Variants in ARAP1 observed in about 807,000 individuals in gnomAD.
ARAP1 encodes the protein ArfGAP with RhoGAP domain, ankyrin repeat and PH domain 1, also known as arf-GAP with Rho-GAP domain, ANK repeat and PH domain-containing protein 1.
A neutral mutation model predicts 172.2 loss-of-function variants in ARAP1; 76 were observed. The ratio of observed to expected loss-of-function variants is 0.44; its 90% confidence interval spans 0.37 to 0.53. The LOEUF is 0.53. Among genes scored for constraint, ARAP1 ranks in the 20% least tolerant of loss-of-function variants. ARAP1 has a pLI of 0.00. For synonymous variants in ARAP1, 804 were observed against 803.3 expected (o/e 1.00, Z -0.01); for missense variants, 1,686 against 1,977.5 (o/e 0.85, Z 2.80).
intron 1 of ARAP1, among the ~76,000 whole-genome samples, chr11:72,735,407 T>C (rs911054578): frequency 3.3e-5 from 5 of 151,786 alleles, no homozygotes; most frequent in Non-Finnish European, 5.9e-5. Flanking sequence ...GGTCAGGAGT[T>C]CGAGACCAGC....
In ARAP1 at chr11:72,695,449, C is replaced by T. The variant is rs375239868; in HGVS notation, c.3514G>A (p.Gly1172Ser). Residue 1172 changes from glycine to serine, a missense_variant, in exon 26 of 35, where the codon GGT becomes AGT. By Grantham distance (56) the Gly-to-Ser change is moderately conservative (BLOSUM62 0). Transcript: ENST00000393609. The surrounding 1 kb of genome is among the most constrained non-coding windows in gnomAD (Gnocchi z 4.4). ...AGTASGTQHA[G>S]DFICTVYLEE... ...AGATACACTGTGCAGATGAAGTCAC[C>T]GGCATGCTGCAGGGAGACAGGGCTC... is the stretch of plus-strand genomic sequence containing the variant. 2.5e-6 allele frequency: 4 copies of T among 1,614,260 alleles called. No homozygotes were observed. The highest frequency in any genetic ancestry group is 2.5e-6 in the Non-Finnish European group (3 of 1,180,044).
intron 1 of ARAP1, among the ~76,000 whole-genome samples, chr11:72,744,902 T>C (rs2072269820): frequency 6.6e-6 from 1 of 152,138 alleles, no homozygotes; most frequent in Admixed American, 6.5e-5. Context: ...TCCCTAGGCT[T>C]AGCATGTCCA....
chr11:72,731,314 G>A (rs570189876), intron 2 of ARAP1, among the ~76,000 whole-genome samples: 2 of 152,278 alleles, frequency 1.3e-5, no homozygotes, highest in Admixed American at 6.5e-5. Flanking sequence ...GGACCTAGTG[G>A]GAGGTGTCTG....
At position 72,688,510 on chromosome 11, in the gene ARAP1, T is replaced by C. The variant is rs1188094803; in HGVS notation, c.4015A>G (p.Ile1339Val). The C allele has an allele frequency of 1.2e-6, 2 of 1,612,498 alleles. No individual in the cohort carries two copies. The highest frequency in any genetic ancestry group is 1.7e-6 in the Non-Finnish European group (2 of 1,179,442). Reference protein sequence around the residue: ...TSHRPEKEWPIKSLKVYLGVK... With the variant: ...TSHRPEKEWPVKSLKVYLGVK... ...CCCAGGTAGACTTTGAGACTCTTAA[T>C]AGGCCACTCCTTCTCAGGCCGGTGA... Residue 1339 changes from isoleucine (I) to valine (V), a missense_variant, in exon 31 of 35, where the codon ATT becomes GTT. Ile to Val is a conservative substitution (Grantham distance 29, BLOSUM62 3). Transcript: ENST00000393609.
In ARAP1 at chr11:72,695,328, G is replaced by A; in HGVS notation, c.3576+59C>T. 6.2e-7 allele frequency: 1 copy of A among 1,607,342 alleles called. No homozygotes were observed. The highest frequency in any genetic ancestry group is 8.5e-7 in the Non-Finnish European group (1 of 1,174,476). On this transcript the variant is annotated intron_variant, in intron 26 of 34. Transcript: ENST00000393609. The surrounding 1 kb of genome is among the most constrained non-coding windows in gnomAD (Gnocchi z 4.4). ...AAGCACTGCTCCCCTGGCCATCTGA[G>A]CCTGTACCTGGCCCAGCCTGATTCT...
chr11:72,707,815 G>A (rs1192591075), intron 11 of ARAP1, among the ~76,000 whole-genome samples: 2 of 152,096 alleles, frequency 1.3e-5, no homozygotes, highest in Admixed American at 6.5e-5. Flanking sequence ...GCATCAGGAA[G>A]AGGAAGTCAA....
Position 72,685,385 on chromosome 11 carries a change from A to G in ARAP1, c.*279T>C. On this transcript the variant is annotated 3_prime_UTR_variant, in exon 35 of 35. Transcript: ENST00000393609. The stretch of plus-strand genomic sequence containing the variant: ...GTTCCTGACTTATGCCCATCTCTCC[A>G]GCCCCACAAGGACAGTGAACCCGGT... The G allele has an allele frequency of 1.9e-6, 1 of 534,720 alleles. No individual in the cohort carries two copies. The highest frequency in any genetic ancestry group is 2.2e-5 in the South Asian group (1 of 46,436). 33.1% of individuals were successfully genotyped at this position (534,720 alleles called of 1,614,324 possible). A position where few individuals can be genotyped will look rare whatever the true frequency, so the allele number is the denominator to read the frequency against.
Position 72,697,033 on chromosome 11 carries a change from G to A in ARAP1, c.3116C>T (p.Pro1039Leu). 1.2e-6 allele frequency: 2 copies of A among 1,609,822 alleles called. No homozygotes were observed. Among genetic ancestry groups the A allele is most frequent in the Non-Finnish European group, 1.7e-6 (2 of 1,179,938 alleles). The stretch of plus-strand genomic sequence containing the variant: ...CTGGGCGCGAGTGAAGAGCCCATCA[G>A]GCAGGTCGCGCAGGAAGCGCTTGAG... Reference protein sequence around the residue: ...SALKRFLRDLPDGLFTRAQRL... With the variant: ...SALKRFLRDLLDGLFTRAQRL... Residue 1039 changes from proline to leucine, a missense_variant, in exon 22 of 35, where the codon CCT becomes CTT. Around this residue, in one of 5 missense-constraint regions of ARAP1, gnomAD observed 274 missense variants for 262.7 expected, o/e 1.04. Coordinates refer to ENST00000393609, the MANE Select transcript of ARAP1 (RefSeq NM_001040118.3).
Position 72,723,324 on chromosome 11 carries a change from GATA to G in ARAP1, c.509+3293_509+3295del, listed in dbSNP as rs766684591. On this transcript the variant is annotated intron_variant, in intron 3 of 34. Coordinates refer to ENST00000393609, the MANE Select transcript of ARAP1 (RefSeq NM_001040118.3). Reference sequence around the variant, plus strand: ...CTTAGTCTCTATTAATAATAATGATGATAATAATAATAATAATAGCAGGGGGTG... The same window carrying G: ...CTTAGTCTCTATTAATAATAATGATGATAATAATAATAATAGCAGGGGGTG... 9.2e-5 allele frequency among the ~76,000 whole-genome samples: 14 copies of G among 151,836 alleles called. No homozygotes were observed. The South Asian group carries it at 2.3e-3, about 25-fold the overall frequency.
intron 4 of ARAP1, among the ~76,000 whole-genome samples, chr11:72,713,691 C>A (rs35640486): frequency 6.6e-6 from 1 of 151,688 alleles, no homozygotes; most frequent in Admixed American, 6.6e-5. Context: ...ACTAAAAATA[C>A]AAAAAATTAG....
rs1441966212 is a variant in ARAP1 at position 72,725,610 on chromosome 11, C to T, written c.509+1010G>A. Among the ~76,000 whole-genome samples the T allele has an allele frequency of 2.0e-5, 3 of 151,972 alleles. No homozygotes were observed. Among genetic ancestry groups the T allele is most frequent in the Non-Finnish European group, 4.4e-5 (3 of 67,986 alleles). ...CCTGGGTGGAAAGAATCTCCCAGAC[C>T]CTCCCCACAAGGCCCCCTGAGTATG... On this transcript the variant is annotated intron_variant, in intron 3 of 34. Coordinates refer to ENST00000393609, the MANE Select transcript of ARAP1 (RefSeq NM_001040118.3). The surrounding 1 kb of genome is among the most constrained non-coding windows in gnomAD (Gnocchi z 4.3).
Position 72,695,318 on chromosome 11 carries a change from G to T in ARAP1, c.3576+69C>A. Reference sequence around the variant, plus strand: ...CTCGGGGTAGAAGCACTGCTCCCCTGGCCATCTGAGCCTGTACCTGGCCCA... The same window carrying T: ...CTCGGGGTAGAAGCACTGCTCCCCTTGCCATCTGAGCCTGTACCTGGCCCA... On this transcript the variant is annotated intron_variant, in intron 26 of 34. Transcript: ENST00000393609. This position sits in a 1 kb window ranked among gnomAD's most constrained non-coding sequence, Gnocchi z 4.4. 1 of 1,595,326 alleles carries T rather than the reference G, an allele frequency of 6.3e-7. No individual in the cohort carries two copies. The highest frequency in any genetic ancestry group is 8.6e-7 in the Non-Finnish European group (1 of 1,164,382).
intron 3 of ARAP1, among the ~76,000 whole-genome samples, chr11:72,718,927 T>C (rs1026536958): frequency 3.3e-5 from 5 of 152,210 alleles, no homozygotes; most frequent in African/African-American, 1.2e-4. Context: ...TCATTAACTC[T>C]GTGTGTGCGT....
intron 33 of ARAP1, among the ~76,000 whole-genome samples, chr11:72,687,109 A>T (rs896953473): frequency 6.6e-6 from 1 of 151,896 alleles, no homozygotes; most frequent in Non-Finnish European, 1.5e-5. Context: ...ATTTCCTAAG[A>T]CTCAGATCCC....
At chr11:72,700,311 G>A (rs1856422046) in intron 16 of ARAP1, 1 of 152,534 alleles carries the variant, frequency 6.6e-6, no homozygotes, top group African/African-American at 2.4e-5. Context: ...TGAACAGCAT[G>A]GAGTTCCAAA....
chr11:72,728,608 G>T (rs938225564), intron 2 of ARAP1, among the ~76,000 whole-genome samples: 2 of 151,990 alleles, frequency 1.3e-5, no homozygotes, highest in Non-Finnish European at 2.9e-5. Flanking sequence ...AAAAACAAAA[G>T]AAACAAACGA....
At position 72,711,478 on chromosome 11, in the gene ARAP1, T is replaced by C; in HGVS notation, c.1044A>G (p.Arg348=). The part of the protein sequence containing the change: ...PPQGSYIYQK[R]WVRLDTDHLR... ...GGTGATCAGTATCCAGTCTCACCCA[T>C]CGTTTCTGATAGATGTAAGATCTGG... Residue 348 remains arginine, a synonymous_variant, in exon 8 of 35, where the codon CGA becomes CGG. Transcript: ENST00000393609. The C allele has an allele frequency of 6.2e-7, 1 of 1,612,666 alleles. No individual in the cohort carries two copies.
rs1591181352 is a variant in ARAP1, at chr11:72,697,363, C to T, written c.2913G>A (p.Pro971=). The T allele has an allele frequency of 1.2e-6, 2 of 1,604,246 alleles. No individual in the cohort carries two copies. The highest frequency in any genetic ancestry group is 1.7e-6 in the Non-Finnish European group (2 of 1,175,694). ...AGTCCACACAGCGGTACACGATCAC[C>T]GGGATATCCGAGTCCCCAAGCTGCT... ...SEQQLGDSDI[P]VIVYRCVDYI... The change falls in exon 21 of 35, where the codon CCG becomes CCA. Residue 971 remains proline, a synonymous_variant. Transcript: ENST00000393609.
At position 72,695,991 on chromosome 11, in the gene ARAP1, A is replaced by T; in HGVS notation, c.3273-126T>A. ...GGGACCACTGTTTAACAGGGTAGGA[A>T]CAGTTTTTCTGGCCATATCTTGGGT... On this transcript the variant is annotated intron_variant, in intron 23 of 34. Transcript: ENST00000393609. This position sits in a 1 kb window ranked among gnomAD's most constrained non-coding sequence, Gnocchi z 4.4. The T allele has an allele frequency of 8.1e-7, 1 of 1,239,802 alleles. No homozygotes were observed. The highest frequency in any genetic ancestry group is 1.1e-6 in the Non-Finnish European group (1 of 920,278). 76.8% of individuals were successfully genotyped at this position (1,239,802 alleles called of 1,614,324 possible).
Sources: gnomAD v4.1 joint callset for allele counts (sites outside exome capture counted in the v4.1 genomes callset) on GRCh38, gnomAD v4.1.1 for gene constraint, gnomAD v4.1.1 regional missense constraint, Gnocchi (gnomAD v3.1) non-coding constraint, MANE v1.5 for transcripts, NCBI Gene and HGNC (gene_info 2026-07-23, HGNC 2026-07-21) for gene names.